CSMD1: variants seen among roughly 807,000 people sequenced by gnomAD.
The protein encoded by CSMD1 is CUB and Sushi multiple domains 1.
A neutral mutation model predicts 417.5 loss-of-function variants in CSMD1; 213 were observed. The observed-to-expected ratio is 0.51, with a 90% confidence interval of 0.46 to 0.57. The LOEUF is 0.57. CSMD1 is among the 20% of genes least tolerant of loss of function. The pLI is 0.00. For missense variants in CSMD1, 6,923 were observed against 4,529.7 expected, an observed-to-expected ratio of 1.53 and a Z score of -15.17; for synonymous variants, 2,862 against 1,736.8, an observed-to-expected ratio of 1.65 and a Z score of -16.11.
intron 3 of CSMD1, among the ~76,000 whole-genome samples, chr8:4,197,647 G>A (rs978172213): frequency 6.6e-6 from 1 of 152,176 alleles, no homozygotes; most frequent in East Asian, 1.9e-4. Flanking sequence ...GGGAGGCCGA[G>A]GCAGGTGGAT....
intron 5 of CSMD1, among the ~76,000 whole-genome samples, chr8:3,962,741 C>A (rs1410857381): frequency 6.6e-6 from 1 of 152,072 alleles, no homozygotes; most frequent in Non-Finnish European, 1.5e-5. Flanking sequence ...GGACTCAAGG[C>A]TGGACACTCT....
intron 10 of CSMD1, among the ~76,000 whole-genome samples, chr8:3,494,257 G>C (rs1190163322): frequency 1.3e-5 from 2 of 152,026 alleles, no homozygotes; most frequent in African/African-American, 4.8e-5. Flanking sequence ...TTTTTACAAA[G>C]AATACTTTGT....
At position 4,695,888 on chromosome 8, in the gene CSMD1, C is replaced by T. The variant is rs141898910; in HGVS notation, c.86-58330G>A. Among the ~76,000 whole-genome samples, 402 of 152,198 alleles carry T rather than the reference C, an allele frequency of 2.6e-3. 5 individuals are homozygous for T. Among genetic ancestry groups the T allele is most frequent in the African/African-American group, 9.4e-3 (390 of 41,510 alleles). On this transcript the variant is annotated intron_variant, in intron 1 of 69. Coordinates refer to ENST00000635120, the MANE Select transcript of CSMD1 (RefSeq NM_033225.6). ...CACCACTCTTTTGAACATGAGAAAC[C>T]CTATGTATTTGCCAAATTTAATAAC...
intron 23 of CSMD1, among the ~76,000 whole-genome samples, chr8:3,334,296 G>C (rs1222330141): frequency 6.6e-6 from 1 of 152,164 alleles, no homozygotes; most frequent in African/African-American, 2.4e-5. Flanking sequence ...TCCAGTAATT[G>C]ATTGCATTCA....
intron 42 of CSMD1, among the ~76,000 whole-genome samples, chr8:3,115,797 TTATC>T (rs1816829733): frequency 6.6e-6 from 1 of 152,212 alleles, no homozygotes; most frequent in African/African-American, 2.4e-5. Context: ...ATTTTATTAA[TTATC>T]TAAACTGGCC....
intron 1 of CSMD1, among the ~76,000 whole-genome samples, chr8:4,806,165 C>T (rs1798574611): frequency 6.6e-6 from 1 of 152,154 alleles, no homozygotes; most frequent in Admixed American, 6.6e-5. Flanking sequence ...AACTCAATTG[C>T]ATGTGAAGCA....
intron 3 of CSMD1, among the ~76,000 whole-genome samples, chr8:4,037,976 T>A (rs888743532): frequency 3.9e-5 from 6 of 152,068 alleles, no homozygotes; most frequent in Admixed American, 3.3e-4. Context: ...AAACAATGAA[T>A]CAAAAAATAA....
intron 1 of CSMD1, among the ~76,000 whole-genome samples, chr8:4,811,251 T>C (rs1346609132): frequency 1.3e-5 from 2 of 152,200 alleles, no homozygotes; most frequent in South Asian, 2.1e-4. Context: ...TTCAATTTTA[T>C]TGAATTTCAA....
intron 10 of CSMD1, among the ~76,000 whole-genome samples, chr8:3,552,127 C>A (rs544539771): frequency 1.3e-5 from 2 of 152,172 alleles, no homozygotes; most frequent in Non-Finnish European, 2.9e-5. Flanking sequence ...TACATGGAGG[C>A]ACTTTGAATT....
intron 26 of CSMD1, among the ~76,000 whole-genome samples, chr8:3,249,248 G>A (rs1563184724): frequency 6.6e-6 from 1 of 152,034 alleles, no homozygotes; most frequent in Non-Finnish European, 1.5e-5. Flanking sequence ...TTGAGATAGA[G>A]ACTCACTCTG....
chr8:4,151,686 C>A (rs1033743143), intron 3 of CSMD1, among the ~76,000 whole-genome samples: 6 of 152,074 alleles, frequency 3.9e-5, no homozygotes, highest in Admixed American at 6.6e-5. Flanking sequence ...TGAAAAAAAT[C>A]CAACTGATTT....
intron 37 of CSMD1, among the ~76,000 whole-genome samples, chr8:3,180,529 CT>C (rs1821257854): frequency 6.6e-6 from 1 of 152,072 alleles, no homozygotes; most frequent in African/African-American, 2.4e-5. Flanking sequence ...CATTTTTGTG[CT>C]TTTTAATACA....
chr8:3,018,352 T>A, intron 52 of CSMD1, 125 bp downstream of exon 52: 1 of 788,760 alleles, frequency 1.3e-6, no homozygotes, highest in East Asian at 2.6e-5. Context: ...CACTGGGAGG[T>A]GCAGCATTTC....
At chr8:4,626,872 C>A (rs1022073267) in intron 2 of CSMD1, among the ~76,000 whole-genome samples, 66 of 152,130 alleles carry the variant, frequency 4.3e-4, no homozygotes, top group Non-Finnish European at 3.1e-4. Context: ...AGAAGAAAAT[C>A]AAGTGAAATA....
chr8:3,752,967 G>C (rs1480678657), intron 6 of CSMD1, among the ~76,000 whole-genome samples: 1 of 152,156 alleles, frequency 6.6e-6, no homozygotes, highest in African/African-American at 2.4e-5. Flanking sequence ...AAAATCTCCA[G>C]CAGGAGCTAT....
intron 1 of CSMD1, among the ~76,000 whole-genome samples, chr8:4,910,432 G>T (rs1376932133): frequency 1.3e-5 from 2 of 152,318 alleles, no homozygotes; most frequent in Non-Finnish European, 2.9e-5. Flanking sequence ...AGGCTGAGAA[G>T]TCCAGGATCA....
At chr8:3,351,564 T>G (rs1268296571) in intron 21 of CSMD1, among the ~76,000 whole-genome samples, 1 of 150,020 alleles carries the variant, frequency 6.7e-6, no homozygotes, top group Non-Finnish European at 1.5e-5. Flanking sequence ...CCAACTACAT[T>G]TCAGCCTGGG....
intron 2 of CSMD1, among the ~76,000 whole-genome samples, chr8:4,464,138 ATCCCTCCAGCTGGAATTCTAC>A (rs1452707947): frequency 6.8e-6 from 1 of 147,042 alleles, no homozygotes; most frequent in Non-Finnish European, 1.5e-5. Context: ...TCGAAGGCTT[ATCCCTCCAGCTGGAATTCTAC>A]TTCCTCTCTA....
chr8:4,218,559 T>G lies in CSMD1; in HGVS notation c.416-186460A>C, dbSNP rs3849844. 1.1e-3 allele frequency among the ~76,000 whole-genome samples: 169 copies of G among 152,138 alleles called. 1 individual carries two copies. Among genetic ancestry groups the G allele is most frequent in the African/African-American group, 3.8e-3 (158 of 41,498 alleles). On this transcript the variant is annotated intron_variant, in intron 3 of 69. Coordinates refer to ENST00000635120, the MANE Select transcript of CSMD1 (RefSeq NM_033225.6). ...CATTTGAATTTGTTTCTGAGTCAAG[T>G]TGTCTATGTTCTCTGTAATAATGAT...
Sources: allele counts gnomAD v4.1 joint callset (sites outside exome capture counted in the v4.1 genomes callset), GRCh38; gene constraint gnomAD v4.1.1; transcripts MANE v1.5; gene names NCBI Gene and HGNC (gene_info 2026-07-23, HGNC 2026-07-21).